Variants in LOC122539214 observed in about 807,000 individuals in gnomAD.
the LOC122539214 span, among the ~76,000 whole-genome samples, chr19:52,682,576 C>A: frequency 2.0e-5 from 3 of 151,912 alleles, no homozygotes; most frequent in African/African-American, 7.3e-5. Context: ...GAGGCTGAGG[C>A]AGAATTGCTT....
the LOC122539214 span, among the ~76,000 whole-genome samples, chr19:52,665,963 A>C: frequency 2.0e-5 from 3 of 151,596 alleles, no homozygotes; most frequent in East Asian, 5.8e-4. Context: ...GATTGAGACC[A>C]TCCTGGCTAA....
the LOC122539214 span, among the ~76,000 whole-genome samples, chr19:52,662,098 C>A: frequency 2.0e-5 from 3 of 152,310 alleles, no homozygotes; most frequent in Admixed American, 1.3e-4. Context: ...ATATTTTTCT[C>A]CCACACTTCA....
chr19:52,666,618 CAA>C, the LOC122539214 span, among the ~76,000 whole-genome samples: 52,395 of 105,384 alleles, frequency 0.5, 11,241 homozygotes, highest in Admixed American at 0.6. Flanking sequence ...TATCCTAAGT[CAA>C]AAAAAAAAAA....
chr19:52,666,299 G>C, the LOC122539214 span, among the ~76,000 whole-genome samples: 2 of 152,018 alleles, frequency 1.3e-5, no homozygotes, highest in African/African-American at 4.8e-5. Context: ...GTAGTAGAGA[G>C]AAAACAGTAT....
the LOC122539214 span, chr19:52,651,014 C>A: frequency 6.6e-6 from 1 of 152,146 alleles, no homozygotes; most frequent in Admixed American, 6.5e-5. Context: ...GGTTTAAAAC[C>A]TCTAATTGAG....
At chr19:52,661,601 A>G in the LOC122539214 span, among the ~76,000 whole-genome samples, 1 of 152,192 alleles carries the variant, frequency 6.6e-6, no homozygotes, top group Admixed American at 6.5e-5. Flanking sequence ...TAAAAGATGT[A>G]TTTGCAAAAT....
the LOC122539214 span, among the ~76,000 whole-genome samples, chr19:52,671,042 A>G: frequency 6.6e-6 from 1 of 152,244 alleles, no homozygotes; most frequent in Non-Finnish European, 1.5e-5. Flanking sequence ...GGTAGGGCCT[A>G]GAAGAAAAAG....
At chr19:52,676,405 C>T in the LOC122539214 span, among the ~76,000 whole-genome samples, 1 of 152,178 alleles carries the variant, frequency 6.6e-6, no homozygotes, top group Non-Finnish European at 1.5e-5. Context: ...GCCGCCACCC[C>T]GTCTGGGAAG....
the LOC122539214 span, among the ~76,000 whole-genome samples, chr19:52,689,167 T>G: frequency 6.6e-6 from 1 of 152,224 alleles, no homozygotes; most frequent in Non-Finnish European, 1.5e-5. Context: ...TTTGTTTTGC[T>G]TTTGTAAGGC....
the LOC122539214 span, among the ~76,000 whole-genome samples, chr19:52,662,411 G>T: frequency 6.6e-6 from 1 of 152,286 alleles, no homozygotes; most frequent in East Asian, 1.9e-4. Flanking sequence ...GCAGAGCTCA[G>T]GGGAGAGGCC....
the LOC122539214 span, among the ~76,000 whole-genome samples, chr19:52,667,534 T>G: frequency 6.6e-6 from 1 of 152,226 alleles, no homozygotes; most frequent in African/African-American, 2.4e-5. Flanking sequence ...AAAAGGATTA[T>G]AGGGAGGCAG....
chr19:52,681,100 CAT>C, the LOC122539214 span, among the ~76,000 whole-genome samples: 1 of 151,492 alleles, frequency 6.6e-6, no homozygotes, highest in African/African-American at 2.4e-5. Flanking sequence ...GCCTGGCCAA[CAT>C]GGTAAAACCT....
chr19:52,689,708 C>T, the LOC122539214 span, among the ~76,000 whole-genome samples: 1 of 151,626 alleles, frequency 6.6e-6, no homozygotes, highest in Non-Finnish European at 1.5e-5. Context: ...TCTTATGGCT[C>T]TTTCTCATTC....
At chr19:52,673,227 C>G in the LOC122539214 span, among the ~76,000 whole-genome samples, 15 of 152,182 alleles carry the variant, frequency 9.9e-5, no homozygotes, top group East Asian at 2.9e-3. Flanking sequence ...AAACAAATGG[C>G]TGGGCACAGT....
At chr19:52,686,012 A>T in the LOC122539214 span, among the ~76,000 whole-genome samples, 1 of 152,178 alleles carries the variant, frequency 6.6e-6, no homozygotes, top group African/African-American at 2.4e-5. Context: ...GCCTTGAGGG[A>T]AACATGAACT....
chr19:52,678,488 G>A, the LOC122539214 span, among the ~76,000 whole-genome samples: 1 of 151,150 alleles, frequency 6.6e-6, no homozygotes, highest in Non-Finnish European at 1.5e-5. Context: ...AAAACTGGAG[G>A]GTAAATCTTG....
the LOC122539214 span, among the ~76,000 whole-genome samples, chr19:52,669,807 G>A: frequency 2.0e-5 from 3 of 152,136 alleles, no homozygotes; most frequent in Non-Finnish European, 2.9e-5. Flanking sequence ...CCGTGGGTTG[G>A]TGCAGAGGCT....
the LOC122539214 span, among the ~76,000 whole-genome samples, chr19:52,688,011 C>T: frequency 2.0e-5 from 3 of 151,970 alleles, no homozygotes; most frequent in African/African-American, 7.2e-5. Flanking sequence ...CCAAGATTTA[C>T]AGAATGTACA....
chr19:52,687,584 A>ATATATATAATG, the LOC122539214 span, among the ~76,000 whole-genome samples: 57 of 37,318 alleles, frequency 1.5e-3, 15 homozygotes, highest in African/African-American at 0.014. Flanking sequence ...AATTTTATAT[A>ATATATATAATG]TATATATATA....
Sources: allele counts gnomAD v4.1 joint callset (sites outside exome capture counted in the v4.1 genomes callset), GRCh38; gene constraint gnomAD v4.1.1; transcripts MANE v1.5.